The following MBNL1 variants were observed in gnomAD, a reference collection of about 807,000 sequenced individuals.
MBNL1 encodes the protein muscleblind-like protein 1.
Under a neutral mutation model 42.2 loss-of-function variants are expected in MBNL1, and 8 were observed. The ratio of observed to expected loss-of-function variants is 0.19; its 90% CI spans 0.11 to 0.34. The LOEUF is 0.34. Ranked by LOEUF, MBNL1 falls within the 10% of genes least tolerant of loss-of-function variation. The probability of loss-of-function intolerance (pLI) is 1.00; values close to 1 mark genes in which losing one functional copy is unlikely to be tolerated. For missense variants in MBNL1, 309 were observed against 495.3 expected (o/e 0.62, Z 3.57); for synonymous variants, 169 against 173.9 (o/e 0.97, Z 0.22).
intron 2 of MBNL1, among the ~76,000 whole-genome samples, chr3:152,305,394 G>A (rs990279931): frequency 1.3e-5 from 2 of 152,012 alleles, no homozygotes; most frequent in African/African-American, 2.4e-5. Context: ...TTGCTAATCC[G>A]TTACCTTTCA....
upstream of MBNL1, chr3:152,267,385 G>T (rs562569758): frequency 1.4e-4 from 22 of 152,358 alleles, no homozygotes; most frequent in African/African-American, 5.1e-4. Context: ...CCCTTATGCA[G>T]AATTAATCGG....
chr3:152,299,889 A>C lies in MBNL1; in HGVS notation c.-305A>C. 1 of 407,828 alleles carries C rather than the reference A, an allele frequency of 2.5e-6. No homozygotes were observed. Among genetic ancestry groups the C allele is most frequent in the East Asian group, 3.5e-5 (1 of 28,264 alleles). 25.3% of individuals were successfully genotyped at this position (407,828 alleles called of 1,614,324 possible). On this transcript the variant is annotated 5_prime_UTR_variant, in exon 2 of 10. Transcript: ENST00000324210. ...AATTGGCACTGGGAAGGGGTTACTG[A>C]GAGCACAAGGCTGATACCAGGCCCT...
At chr3:152,453,906 ATATT>A (rs2153934510) in intron 6 of MBNL1, among the ~76,000 whole-genome samples, 2 of 152,326 alleles carry the variant, frequency 1.3e-5, no homozygotes, top group South Asian at 4.1e-4. Flanking sequence ...AACCTGTACA[ATATT>A]TAAACTGGCT....
intron 1 of MBNL1, among the ~76,000 whole-genome samples, chr3:152,277,672 C>T (rs2046066726): frequency 6.6e-6 from 1 of 152,028 alleles, no homozygotes; most frequent in Non-Finnish European, 1.5e-5. Context: ...ACTTACATGT[C>T]TTTTTAGTTT....
intron 2 of MBNL1, among the ~76,000 whole-genome samples, chr3:152,334,010 G>A (rs915999059): frequency 7.2e-5 from 11 of 152,210 alleles, no homozygotes; most frequent in Admixed American, 7.2e-4. Flanking sequence ...CCTTAGAGGA[G>A]TTGTGAAAAT....
intron 1 of MBNL1, among the ~76,000 whole-genome samples, chr3:152,277,614 G>A (rs1296508690): frequency 2.0e-5 from 3 of 152,094 alleles, no homozygotes; most frequent in Admixed American, 6.6e-5. Context: ...GTTATCTGGA[G>A]TAGGAGGATA....
chr3:152,293,526 C>G (rs1293480426), intron 1 of MBNL1, among the ~76,000 whole-genome samples: 1 of 152,150 alleles, frequency 6.6e-6, no homozygotes, highest in African/African-American at 2.4e-5. Context: ...ACCAGTGAGC[C>G]AGGGGAAGAA....
At chr3:152,247,256 T>C (rs1297765623) in intron 2 of MBNL1, among the ~76,000 whole-genome samples, 1 of 152,074 alleles carries the variant, frequency 6.6e-6, no homozygotes, top group Non-Finnish European at 1.5e-5. Flanking sequence ...AAAAGAAAAT[T>C]TGTGCCCTCC....
upstream of MBNL1, chr3:152,268,609 G>A (rs1217236260): frequency 2.6e-6 from 1 of 391,814 alleles, no homozygotes; most frequent in Admixed American, 3.2e-5. Context: ...CGCATGAGAT[G>A]GAAGATACCA....
At chr3:152,293,750 C>T (rs2057261825) in intron 1 of MBNL1, among the ~76,000 whole-genome samples, 1 of 152,152 alleles carries the variant, frequency 6.6e-6, no homozygotes. Flanking sequence ...GCTAACTACT[C>T]TGGGATATAA....
intron 2 of MBNL1, among the ~76,000 whole-genome samples, chr3:152,358,797 A>T (rs1252974075): frequency 2.0e-5 from 3 of 151,948 alleles, no homozygotes; most frequent in Non-Finnish European, 4.4e-5. Flanking sequence ...TTTAATAGAG[A>T]TGGGGTCTCA....
In MBNL1 at chr3:152,421,960, G is replaced by A. The variant is rs370788951; in HGVS notation, c.345+6849G>A. Among the ~76,000 whole-genome samples the A allele has an allele frequency of 4.2e-4, 62 of 147,890 alleles. No homozygotes were observed. In the South Asian group the frequency reaches 0.012, roughly 30 times the overall value. The stretch of plus-strand genomic sequence containing the variant: ...AATATGGAAAGGAAAAACTCGTACC[G>A]ACCACTAAAAAAAAAAATACCAAAA... On this transcript the variant is annotated intron_variant, in intron 3 of 9. Coordinates refer to ENST00000324210, the MANE Select transcript of MBNL1 (RefSeq NM_021038.5).
chr3:152,461,713 T>C (rs1351980598), intron 9 of MBNL1, among the ~76,000 whole-genome samples: 2 of 152,212 alleles, frequency 1.3e-5, no homozygotes, highest in East Asian at 3.8e-4. Flanking sequence ...ACTTTTAATA[T>C]ATGTAAATAT....
chr3:152,352,605 T>G (rs1398443548), intron 2 of MBNL1, among the ~76,000 whole-genome samples: 2 of 152,124 alleles, frequency 1.3e-5, no homozygotes. Flanking sequence ...TTTTTTTGGT[T>G]GTTGTTGTTT....
intron 1 of MBNL1, among the ~76,000 whole-genome samples, chr3:152,278,083 C>T (rs2046329341): frequency 6.6e-6 from 1 of 151,916 alleles, no homozygotes; most frequent in South Asian, 2.1e-4. Context: ...TTAGCTATGT[C>T]ATTAAGATAA....
At chr3:152,378,312 T>A (rs2097008105) in intron 2 of MBNL1, among the ~76,000 whole-genome samples, 1 of 152,094 alleles carries the variant, frequency 6.6e-6, no homozygotes, top group African/African-American at 2.4e-5. Context: ...CCAGCCTGAG[T>A]GATAAAGCAA....
At chr3:152,373,531 C>G (rs1236607081) in intron 2 of MBNL1, among the ~76,000 whole-genome samples, 2 of 152,034 alleles carry the variant, frequency 1.3e-5, no homozygotes, top group African/African-American at 4.8e-5. Context: ...CCTCATTGCA[C>G]AGTCCCTCAT....
intron 2 of MBNL1, among the ~76,000 whole-genome samples, chr3:152,353,689 T>TG (rs60884274): frequency 4.7e-5 from 7 of 148,798 alleles, no homozygotes; most frequent in African/African-American, 1.8e-4. Flanking sequence ...TTTTTTTTTT[T>TG]GGCTTATAGT....
At chr3:152,376,117 A>G (rs1192791928) in intron 2 of MBNL1, among the ~76,000 whole-genome samples, 2 of 152,176 alleles carry the variant, frequency 1.3e-5, no homozygotes, top group Non-Finnish European at 2.9e-5. Flanking sequence ...ATGGTATCTT[A>G]TATTCCAACT....
Sources: gnomAD v4.1 joint callset for allele counts (sites outside exome capture counted in the v4.1 genomes callset) on GRCh38, gnomAD v4.1.1 for gene constraint, MANE v1.5 for transcripts, NCBI Gene and HGNC (gene_info 2026-07-23, HGNC 2026-07-21) for gene names.